MAP4K4: variants seen among roughly 807,000 people sequenced by gnomAD.
MAP4K4 encodes the protein HPK/GCK-like kinase HGK.
In MAP4K4, 38 loss-of-function variants were observed where a neutral mutation model predicts 189.6. That is an observed-to-expected ratio of 0.20 (90% CI 0.15 to 0.26). The LOEUF (loss-of-function observed/expected upper bound fraction) is 0.26, where lower values mean the gene tolerates loss of function less well. Ranked by LOEUF, MAP4K4 falls within the 10% of genes least tolerant of loss-of-function variation. MAP4K4 has a pLI of 1.00. For missense variants in MAP4K4, 1,054 were observed against 1,726.9 expected (o/e 0.61, Z 6.91); for synonymous variants, 610 against 624.3 (o/e 0.98, Z 0.34).
chr2:101,787,396 AC>A (rs1426514499), intron 2 of MAP4K4, among the ~76,000 whole-genome samples: 1 of 152,188 alleles, frequency 6.6e-6, no homozygotes, highest in African/African-American at 2.4e-5. Context: ...ATTTATAGTT[AC>A]GTGCATTTTC....
intron 2 of MAP4K4, among the ~76,000 whole-genome samples, chr2:101,738,256 T>G (rs1033727130): frequency 7.2e-5 from 11 of 152,192 alleles, no homozygotes; most frequent in Admixed American, 1.3e-4. Context: ...GATTTCTGTC[T>G]TAGTCCATTG....
intron 2 of MAP4K4, among the ~76,000 whole-genome samples, chr2:101,731,376 A>G (rs1475813446): frequency 6.6e-6 from 1 of 151,812 alleles, no homozygotes; most frequent in Non-Finnish European, 1.5e-5. Flanking sequence ...TTGGCCATCC[A>G]AAGTGCTGGG....
chr2:101,742,646 G>A (rs930074979), intron 2 of MAP4K4, among the ~76,000 whole-genome samples: 9 of 152,112 alleles, frequency 5.9e-5, no homozygotes, highest in African/African-American at 2.2e-4. Context: ...TATGGAAAAA[G>A]TCCTCTCCCT....
chr2:101,827,787 T>C (rs1010947965), intron 5 of MAP4K4, among the ~76,000 whole-genome samples: 5 of 152,202 alleles, frequency 3.3e-5, no homozygotes, highest in Non-Finnish European at 5.9e-5. Context: ...CTGAGAGCTT[T>C]CTATAACCAA....
At chr2:101,874,118 T>G (rs758676912) in exon 26 of MAP4K4, 1 of 1,613,812 alleles carries the variant, frequency 6.2e-7, no homozygotes, top group African/African-American at 1.3e-5. Flanking sequence ...CCAGAAGCCA[T>G]AAGGCAAGAT....
chr2:101,850,133 T>C (rs186120464), intron 12 of MAP4K4, among the ~76,000 whole-genome samples: 142 of 152,322 alleles, frequency 9.3e-4, no homozygotes, highest in African/African-American at 3.3e-3. Flanking sequence ...AGTGTGAGCA[T>C]CAGCAGTTTC....
chr2:101,864,145 C>T lies in MAP4K4; in HGVS notation c.2097+94C>T, dbSNP rs1351550732. On this transcript the variant is annotated intron_variant, in intron 17 of 32. Coordinates refer to ENST00000324219, the Ensembl canonical transcript of MAP4K4. ...TTTTAATTATGGGTATGCAACTTGA[C>T]CAAATTTAAAGGGGCATTGAAATTT... The T allele has an allele frequency of 1.1e-5, 7 of 635,850 alleles. No individual in the cohort carries two copies. The African/African-American group carries it at 1.3e-4, about 12-fold the overall frequency. The allele number at this position is 635,850 out of a possible 1,614,324, so 39.4% of individuals were successfully genotyped here.
intron 16 of MAP4K4, among the ~76,000 whole-genome samples, chr2:101,862,405 A>G (rs893300452): frequency 1.3e-5 from 2 of 152,082 alleles, no homozygotes; most frequent in African/African-American, 2.4e-5. Context: ...AGAGGAAAGC[A>G]GGAGAGGGTA....
intron 2 of MAP4K4, among the ~76,000 whole-genome samples, chr2:101,780,057 A>T (rs1023850625): frequency 6.6e-6 from 1 of 152,226 alleles, no homozygotes; most frequent in South Asian, 2.1e-4. Flanking sequence ...GTTCAGGGAC[A>T]CACAAAGCTG....
At chr2:101,782,308 G>A (rs746505414) in intron 2 of MAP4K4, among the ~76,000 whole-genome samples, 1 of 152,186 alleles carries the variant, frequency 6.6e-6, no homozygotes, top group African/African-American at 2.4e-5. Flanking sequence ...CTTAATAGAA[G>A]TCTACACATT....
exon 33 of MAP4K4, chr2:101,894,322 T>C (rs1458685882): frequency 6.5e-6 from 1 of 152,788 alleles, no homozygotes; most frequent in Non-Finnish European, 1.5e-5. Context: ...ACCCTTTCTG[T>C]ATTGAGTGCA....
At chr2:101,712,580 A>G (rs2046218133) in intron 2 of MAP4K4, among the ~76,000 whole-genome samples, 1 of 151,856 alleles carries the variant, frequency 6.6e-6, no homozygotes, top group Admixed American at 6.6e-5. Flanking sequence ...GCTCACTGCA[A>G]CCTCCATCTC....
exon 33 of MAP4K4, chr2:101,892,197 AT>A (rs143370618): frequency 1.7e-4 from 25 of 149,636 alleles, no homozygotes; most frequent in East Asian, 3.8e-4. Context: ...CCACATGTTT[AT>A]TTTTTTTTTG....
intron 13 of MAP4K4, among the ~76,000 whole-genome samples, chr2:101,857,395 G>A (rs1022314331): frequency 1.3e-5 from 2 of 151,452 alleles, no homozygotes; most frequent in African/African-American, 2.4e-5. Context: ...TTTGTTCATT[G>A]ACTATGTGTT....
intron 2 of MAP4K4, among the ~76,000 whole-genome samples, chr2:101,780,369 T>G (rs2086714573): frequency 6.6e-6 from 1 of 152,186 alleles, no homozygotes; most frequent in African/African-American, 2.4e-5. Flanking sequence ...AAGTGATATT[T>G]CAATATTGAA....
chr2:101,758,807 A>G (rs2074237510), intron 2 of MAP4K4, among the ~76,000 whole-genome samples: 1 of 152,198 alleles, frequency 6.6e-6, no homozygotes, highest in East Asian at 1.9e-4. Flanking sequence ...AGTTAAAATG[A>G]AAGTGATCTC....
At chr2:101,831,613 C>A in intron 6 of MAP4K4, 108 bp from the exon 7 acceptor site, 1 of 1,203,534 alleles carries the variant, frequency 8.3e-7, no homozygotes, top group Non-Finnish European at 1.2e-6. Flanking sequence ...TGAAGCACTG[C>A]TGTTTCAGTT....
exon 33 of MAP4K4, chr2:101,893,594 CTT>C (rs2098596568): frequency 1.1e-5 from 2 of 179,618 alleles, no homozygotes; most frequent in Non-Finnish European, 2.4e-5. Flanking sequence ...GGGCAGATGT[CTT>C]TGAAGAAATG....
intron 32 of MAP4K4, among the ~76,000 whole-genome samples, chr2:101,889,490 A>T (rs2098534983): frequency 6.6e-6 from 1 of 151,820 alleles, no homozygotes; most frequent in African/African-American, 2.4e-5. Flanking sequence ...TGGCCATATC[A>T]CTCCAGGGAC....
Sources: gnomAD v4.1 joint callset for allele counts (sites outside exome capture counted in the v4.1 genomes callset) on GRCh38, gnomAD v4.1.1 for gene constraint, MANE v1.5 for transcripts, NCBI Gene and HGNC (gene_info 2026-07-23, HGNC 2026-07-21) for gene names.